The following CLYBL variants were observed in gnomAD, a reference collection of about 807,000 sequenced individuals.
CLYBL encodes the protein citramalyl-CoA lyase, mitochondrial.
Under a neutral mutation model 38.9 loss-of-function variants are expected in CLYBL, and 31 were observed. That is an observed-to-expected ratio of 0.80 (90% CI 0.60 to 1.08). CLYBL has a LOEUF of 1.08. CLYBL is among the 50% of genes least tolerant of loss of function. The pLI, the probability that CLYBL is intolerant of heterozygous loss-of-function variation, is 0.00. For missense variants in CLYBL, 434 were observed against 411.6 expected (o/e 1.05, Z -0.47); for synonymous variants, 171 against 158.6 (o/e 1.08, Z -0.59).
intron 2 of CLYBL, among the ~76,000 whole-genome samples, chr13:99,800,885 CAA>C (rs2050118313): frequency 2.4e-5 from 3 of 124,308 alleles, no homozygotes. Flanking sequence ...AATTAAAAAA[CAA>C]CAACAACAAA....
chr13:99,638,420 C>G (rs2047052085), intron 1 of CLYBL, among the ~76,000 whole-genome samples: 2 of 152,206 alleles, frequency 1.3e-5, no homozygotes, highest in Admixed American at 6.5e-5. Flanking sequence ...TAGACATACA[C>G]ACACACAATA....
intron 2 of CLYBL, among the ~76,000 whole-genome samples, chr13:99,799,816 G>T (rs2050096081): frequency 6.6e-6 from 1 of 152,204 alleles, no homozygotes; most frequent in Non-Finnish European, 1.5e-5. Flanking sequence ...CAACACCCTG[G>T]TTTTCTGGTA....
intron 1 of CLYBL, among the ~76,000 whole-genome samples, chr13:99,717,164 G>A (rs1401478988): frequency 2.0e-5 from 3 of 151,322 alleles, no homozygotes; most frequent in Non-Finnish European, 2.9e-5. Flanking sequence ...GGTGGCTTAC[G>A]CCTGTAATCC....
At chr13:99,802,765 G>A (rs540496177) in intron 2 of CLYBL, among the ~76,000 whole-genome samples, 2 of 152,214 alleles carry the variant, frequency 1.3e-5, no homozygotes, top group South Asian at 2.1e-4. Context: ...AGCATCCTTG[G>A]GTCTTGCTGG....
At chr13:99,616,164 T>TTTTTTTG (rs2046706690) in intron 1 of CLYBL, among the ~76,000 whole-genome samples, 1 of 149,066 alleles carries the variant, frequency 6.7e-6, no homozygotes, top group Non-Finnish European at 1.5e-5. Flanking sequence ...TTTTTTTTTT[T>TTTTTTTG]TTTAAGACTG....
intron 2 of CLYBL, among the ~76,000 whole-genome samples, chr13:99,798,922 A>G (rs1222488744): frequency 1.3e-5 from 2 of 152,258 alleles, no homozygotes; most frequent in African/African-American, 4.8e-5. Context: ...TAATCCTATT[A>G]TAACACAGGC....
At chr13:99,885,417 GA>G (rs2052326408) in intron 7 of CLYBL, among the ~76,000 whole-genome samples, 1 of 152,158 alleles carries the variant, frequency 6.6e-6, no homozygotes, top group Non-Finnish European at 1.5e-5. Context: ...AGATGAGGCT[GA>G]GGGGGGAGGG....
At chr13:99,627,984 G>A (rs1166263140) in intron 1 of CLYBL, among the ~76,000 whole-genome samples, 1 of 152,208 alleles carries the variant, frequency 6.6e-6, no homozygotes, top group Non-Finnish European at 1.5e-5. Flanking sequence ...CACTGGTGCT[G>A]TATTTGGCAT....
intron 9 of CLYBL, among the ~76,000 whole-genome samples, chr13:99,905,949 T>C (rs1165001645): frequency 6.6e-6 from 1 of 152,116 alleles, no homozygotes; most frequent in Non-Finnish European, 1.5e-5. Context: ...GATTTTTGTA[T>C]TTTTTGTAGA....
chr13:99,759,794 T>G (rs558005362), intron 1 of CLYBL, among the ~76,000 whole-genome samples: 35 of 152,210 alleles, frequency 2.3e-4, no homozygotes, highest in Non-Finnish European at 3.8e-4. Context: ...ACATTGATGC[T>G]TCCTACCCCA....
intron 2 of CLYBL, among the ~76,000 whole-genome samples, chr13:99,793,898 A>AG (rs1566329668): frequency 6.6e-6 from 1 of 152,012 alleles, no homozygotes; most frequent in African/African-American, 2.4e-5. Flanking sequence ...AAAAAAAAAA[A>AG]AAAGAAAGAA....
chr13:99,735,745 G>A lies in CLYBL; in HGVS notation c.63-37079G>A, dbSNP rs1239715085. The stretch of plus-strand genomic sequence containing the variant: ...AAGGACTGTCCAAAGGATTAAGTGA[G>A]ATAATGTAAATAAGGGATTTAATAA... On this transcript the variant is annotated intron_variant, in intron 1 of 8. Transcript: ENST00000339105. Among the ~76,000 whole-genome samples the A allele has an allele frequency of 3.3e-5, 5 of 152,090 alleles. No individual in the cohort carries two copies. The South Asian group carries it at 8.3e-4, about 25-fold the overall frequency.
At chr13:99,775,432 T>C (rs550303104) in intron 2 of CLYBL, among the ~76,000 whole-genome samples, 1 of 152,296 alleles carries the variant, frequency 6.6e-6, no homozygotes, top group East Asian at 1.9e-4. Context: ...TACTAGGACA[T>C]TTTCATTCTC....
intron 1 of CLYBL, among the ~76,000 whole-genome samples, chr13:99,692,538 C>G (rs1252735929): frequency 1.3e-5 from 2 of 152,088 alleles, no homozygotes; most frequent in Non-Finnish European, 2.9e-5. Context: ...ATGATCCACC[C>G]GCCTCACCCT....
chr13:99,889,891 T>C (rs2052444139), intron 7 of CLYBL, among the ~76,000 whole-genome samples: 2 of 152,070 alleles, frequency 1.3e-5, no homozygotes, highest in Non-Finnish European at 2.9e-5. Flanking sequence ...TGGGCTACAA[T>C]AGATGCAAAT....
chr13:99,746,653 A>G (rs2139618686), intron 1 of CLYBL, among the ~76,000 whole-genome samples: 1 of 152,342 alleles, frequency 6.6e-6, no homozygotes, highest in South Asian at 2.1e-4. Context: ...TCCAGGATCC[A>G]AAATTATTAA....
chr13:99,814,729 G>GAAAAAA (rs36062611), intron 2 of CLYBL, among the ~76,000 whole-genome samples: 1 of 123,840 alleles, frequency 8.1e-6, no homozygotes, highest in African/African-American at 3.0e-5. Flanking sequence ...CCCTGTCTCA[G>GAAAAAA]AAAAAAAAAA....
chr13:99,896,316 G>A (rs2052578368), downstream of CLYBL: 1 of 152,194 alleles, frequency 6.6e-6, no homozygotes, highest in South Asian at 2.1e-4. Context: ...CTAAGAGAAA[G>A]TGTCAGGAGC....
intron 1 of CLYBL, among the ~76,000 whole-genome samples, chr13:99,740,687 G>C (rs920084773): frequency 5.3e-5 from 8 of 152,316 alleles, no homozygotes; most frequent in Admixed American, 2.6e-4. Context: ...TTGATTCGTA[G>C]ACAGGTCGCC....
Sources: allele counts gnomAD v4.1 joint callset (sites outside exome capture counted in the v4.1 genomes callset), GRCh38; gene constraint gnomAD v4.1.1; transcripts MANE v1.5; gene names NCBI Gene and HGNC (gene_info 2026-07-23, HGNC 2026-07-21).